The following FRMD4A variants were observed in gnomAD, a reference collection of about 807,000 sequenced individuals.
The protein encoded by FRMD4A is FERM domain containing 4A, also known as FERM domain-containing protein 4A.
Under a neutral mutation model 129.1 loss-of-function variants are expected in FRMD4A, and 29 were observed. That is an observed-to-expected ratio of 0.22 (90% CI 0.17 to 0.31). The LOEUF (loss-of-function observed/expected upper bound fraction) is 0.31, where lower values mean the gene tolerates loss of function less well. Ranked by LOEUF, FRMD4A falls within the 10% of genes least tolerant of loss-of-function variation. The pLI is 1.00. For synonymous variants in FRMD4A, 634 were observed against 571.6 expected (o/e 1.11, Z -1.56); for missense variants, 1,272 against 1,375.8 (o/e 0.92, Z 1.19).
chr10:13,974,899 C>A (rs1206189681), intron 2 of FRMD4A, among the ~76,000 whole-genome samples: 1 of 152,224 alleles, frequency 6.6e-6, no homozygotes, highest in Admixed American at 6.5e-5. Flanking sequence ...AGAGGCTGTG[C>A]GTGCAAGTGG....
At chr10:13,925,207 G>T (rs939357396) in intron 2 of FRMD4A, among the ~76,000 whole-genome samples, 1 of 152,128 alleles carries the variant, frequency 6.6e-6, no homozygotes, top group African/African-American at 2.4e-5. Flanking sequence ...GGATGGTGGG[G>T]TTATCCCACT....
chr10:14,263,399 C>G (rs1844871044), intron 2 of FRMD4A, among the ~76,000 whole-genome samples: 1 of 152,210 alleles, frequency 6.6e-6, no homozygotes, highest in South Asian at 2.1e-4. Context: ...AGAATCACCC[C>G]AAATTTCCGT....
chr10:14,254,237 C>T (rs1462932842), intron 2 of FRMD4A, among the ~76,000 whole-genome samples: 1 of 152,230 alleles, frequency 6.6e-6, no homozygotes, highest in East Asian at 1.9e-4. Flanking sequence ...AGGTCAATTT[C>T]TTCCAGAAAC....
intron 2 of FRMD4A, among the ~76,000 whole-genome samples, chr10:14,140,432 A>G (rs1311949624): frequency 6.6e-6 from 1 of 152,218 alleles, no homozygotes; most frequent in Non-Finnish European, 1.5e-5. Context: ...CGTTTTGTAC[A>G]CATTATTGAA....
At chr10:13,722,977 C>G (rs1233613878) in intron 12 of FRMD4A, among the ~76,000 whole-genome samples, 1 of 136,292 alleles carries the variant, frequency 7.3e-6, no homozygotes, top group Non-Finnish European at 1.6e-5. Flanking sequence ...CCCTATGCTG[C>G]TTAGCTACAT....
intron 5 of FRMD4A, among the ~76,000 whole-genome samples, chr10:13,795,957 T>C (rs544153517): frequency 3.9e-5 from 6 of 152,282 alleles, no homozygotes; most frequent in African/African-American, 1.2e-4. Context: ...AGACTAGATT[T>C]CTGAACAGAA....
At chr10:13,891,779 C>T (rs927008955) in intron 2 of FRMD4A, 8 of 976,858 alleles carry the variant, frequency 8.2e-6, no homozygotes, top group Non-Finnish European at 8.5e-6. Flanking sequence ...GTCCCCGCCG[C>T]CGCCCCCGCC....
At chr10:13,786,457 T>C (rs2092866122) in intron 5 of FRMD4A, among the ~76,000 whole-genome samples, 1 of 152,042 alleles carries the variant, frequency 6.6e-6, no homozygotes, top group Non-Finnish European at 1.5e-5. Context: ...ATACAAAAAA[T>C]TAGCCAGGCG....
At chr10:13,920,335 T>A (rs1247840679) in intron 2 of FRMD4A, among the ~76,000 whole-genome samples, 8 of 152,228 alleles carry the variant, frequency 5.3e-5, no homozygotes, top group Non-Finnish European at 1.5e-5. Flanking sequence ...AGGACAATCT[T>A]GTTCTCAAAA....
chr10:13,918,870 G>GA (rs35627164), intron 2 of FRMD4A, among the ~76,000 whole-genome samples: 68 of 135,840 alleles, frequency 5.0e-4, no homozygotes, highest in East Asian at 1.0e-3. Flanking sequence ...TTTTTTGTAA[G>GA]AAAAAAAAAA....
At chr10:14,006,851 T>C (rs920325757) in intron 2 of FRMD4A, among the ~76,000 whole-genome samples, 9 of 152,186 alleles carry the variant, frequency 5.9e-5, no homozygotes, top group African/African-American at 2.2e-4. Context: ...AAGCATTTAA[T>C]ACATATTAGT....
intron 2 of FRMD4A, among the ~76,000 whole-genome samples, chr10:13,864,863 C>T (rs760804455): frequency 9.9e-5 from 15 of 152,176 alleles, no homozygotes; most frequent in Non-Finnish European, 1.9e-4. Context: ...AGGTGTGAGC[C>T]ACCGCACCTG....
intron 2 of FRMD4A, among the ~76,000 whole-genome samples, chr10:14,085,844 T>C (rs1437319697): frequency 1.3e-5 from 2 of 152,224 alleles, no homozygotes; most frequent in African/African-American, 4.8e-5. Context: ...AAATGATCAA[T>C]GTATTTCACA....
intron 5 of FRMD4A, among the ~76,000 whole-genome samples, chr10:13,783,288 T>A (rs1425880249): frequency 6.6e-6 from 1 of 152,278 alleles, no homozygotes; most frequent in Non-Finnish European, 1.5e-5. Context: ...GGCCTCTGAT[T>A]TCTTTGTCCT....
At chr10:13,717,901 C>G (rs2088998758) in intron 12 of FRMD4A, among the ~76,000 whole-genome samples, 1 of 152,052 alleles carries the variant, frequency 6.6e-6, no homozygotes. Flanking sequence ...CATACACTCA[C>G]AAGAAACACC....
At chr10:14,322,167 G>C (rs1843084964) in intron 2 of FRMD4A, among the ~76,000 whole-genome samples, 1 of 152,144 alleles carries the variant, frequency 6.6e-6, no homozygotes. Flanking sequence ...AGGTATGAGA[G>C]AGTAGAGGCC....
intron 2 of FRMD4A, among the ~76,000 whole-genome samples, chr10:13,901,118 C>T (rs139701777): frequency 2.2e-3 from 339 of 152,332 alleles, no homozygotes; most frequent in Non-Finnish European, 3.9e-3. Context: ...TCGGCCACTG[C>T]CAGTTACCAA....
chr10:14,059,505 G>A (rs1297017411), intron 2 of FRMD4A, among the ~76,000 whole-genome samples: 2 of 152,184 alleles, frequency 1.3e-5, no homozygotes, highest in Non-Finnish European at 2.9e-5. Context: ...ACTGAGGAAA[G>A]GCTATGTGAG....
chr10:13,689,824 C>A (rs1285669480), intron 15 of FRMD4A, among the ~76,000 whole-genome samples: 3 of 152,114 alleles, frequency 2.0e-5, no homozygotes, highest in African/African-American at 7.2e-5. Context: ...GCCCCAAACC[C>A]CTACCCTCCT....
Sources: gnomAD v4.1 joint callset for allele counts (sites outside exome capture counted in the v4.1 genomes callset) on GRCh38, gnomAD v4.1.1 for gene constraint, MANE v1.5 for transcripts, NCBI Gene and HGNC (gene_info 2026-07-23, HGNC 2026-07-21) for gene names.